Variants in ZNF782 observed in about 807,000 individuals in gnomAD.
ZNF782 encodes the protein zinc finger protein 782.
Under a neutral mutation model 13.0 loss-of-function variants are expected in ZNF782, and 12 were observed. The ratio of observed to expected loss-of-function variants is 0.92; its 90% confidence interval spans 0.59 to 1.50. The LOEUF (loss-of-function observed/expected upper bound fraction) is 1.50, where lower values mean the gene tolerates loss of function less well. Among genes scored for constraint, ZNF782 ranks in the 40% most tolerant of loss-of-function variants. ZNF782 has a pLI of 0.00. For missense variants in ZNF782, 770 were observed against 822.9 expected (o/e 0.94, Z 0.79); for synonymous variants, 284 against 283.0 (o/e 1.00, Z -0.04).
chr9:96,886,029 G>A, the ZNF782 span, among the ~76,000 whole-genome samples: 1,405 of 152,012 alleles, frequency 9.2e-3, 51 homozygotes, highest in East Asian at 0.1. Context: ...TGTATTTTTT[G>A]TAGGGACAGG....
chr9:96,827,491 G>C (rs1023546271), intron 4 of ZNF782, among the ~76,000 whole-genome samples: 1 of 152,000 alleles, frequency 6.6e-6, no homozygotes, highest in African/African-American at 2.4e-5. Flanking sequence ...CACCATACCC[G>C]GCTAATTTTT....
the ZNF782 span, among the ~76,000 whole-genome samples, chr9:96,905,906 A>T: frequency 6.6e-6 from 1 of 151,948 alleles, no homozygotes. Flanking sequence ...TTCTTAATAA[A>T]CTTGCTTTCA....
the ZNF782 span, chr9:96,889,014 A>C: frequency 6.6e-6 from 1 of 152,236 alleles, no homozygotes; most frequent in Non-Finnish European, 1.5e-5. Flanking sequence ...TGGTCTGGAA[A>C]GTCATCCAAC....
intron 5 of ZNF782, among the ~76,000 whole-genome samples, chr9:96,821,457 A>G (rs1442059504): frequency 1.3e-5 from 2 of 152,202 alleles, no homozygotes; most frequent in East Asian, 1.9e-4. Flanking sequence ...TCCCACAAAT[A>G]TAAGGAACAT....
intron 4 of ZNF782, among the ~76,000 whole-genome samples, chr9:96,828,058 T>C (rs1056161169): frequency 6.6e-6 from 1 of 152,164 alleles, no homozygotes; most frequent in South Asian, 2.1e-4. Context: ...ATATAAAATG[T>C]TGGAGATCTG....
At chr9:96,911,526 G>GTTTTTTT in the ZNF782 span, among the ~76,000 whole-genome samples, 6 of 83,596 alleles carry the variant, frequency 7.2e-5, no homozygotes, top group African/African-American at 2.4e-4. Flanking sequence ...GTTTTGTTTT[G>GTTTTTTT]TTTTTTTTTT....
chr9:96,819,482 T>G lies in ZNF782; in HGVS notation c.541A>C (p.Asn181His), dbSNP rs766961813. 5.0e-6 allele frequency: 8 copies of G among 1,613,868 alleles called. No individual in the cohort carries two copies. In the South Asian group the frequency reaches 7.7e-5, roughly 16 times the overall value. ...WLISIKDGRT[N>H]TQEKSFAYSK... ...TAAGCGAAAGATTTCTCTTGAGTGT[T>G]AGTTCTGCCATCCTTAATACTGATG... Residue 181 changes from asparagine to histidine, a missense_variant, in exon 6 of 6, where the codon AAC (asparagine) becomes CAC (histidine). Asn to His is a moderately conservative substitution (Grantham distance 68). Coordinates refer to ENST00000481138, the MANE Select transcript of ZNF782 (RefSeq NM_001001662.3).
the ZNF782 span, chr9:96,894,756 C>T: frequency 6.6e-6 from 1 of 152,232 alleles, no homozygotes; most frequent in Admixed American, 6.5e-5. Flanking sequence ...AGAGTCAGGG[C>T]TCACTCTATT....
intron 4 of ZNF782, 96 bp from the exon 5 acceptor site, chr9:96,827,277 G>C (rs1259350153): frequency 1.3e-6 from 1 of 792,176 alleles, no homozygotes; most frequent in Non-Finnish European, 2.0e-6. Context: ...GGCATATTCA[G>C]GGTGCTCACT....
intron 4 of ZNF782, among the ~76,000 whole-genome samples, chr9:96,835,641 C>T (rs1273682226): frequency 1.3e-5 from 2 of 152,208 alleles, no homozygotes; most frequent in East Asian, 1.9e-4. Context: ...ATAAGCCTTA[C>T]ATCCCCTGGC....
the ZNF782 span, among the ~76,000 whole-genome samples, chr9:96,927,653 T>C: frequency 6.6e-6 from 1 of 152,202 alleles, no homozygotes; most frequent in Non-Finnish European, 1.5e-5. Context: ...CCCAGTGAAA[T>C]GTGAATAGCA....
chr9:96,819,864 A>G, intron 5 of ZNF782, 86 bp from the exon 6 acceptor site: 1 of 1,043,762 alleles, frequency 9.6e-7, no homozygotes, highest in Non-Finnish European at 1.3e-6. Flanking sequence ...ATGCCCTATT[A>G]TGTATTTGAT....
chr9:96,892,525 G>C, the ZNF782 span: 1 of 152,192 alleles, frequency 6.6e-6, no homozygotes, highest in Non-Finnish European at 1.5e-5. Context: ...CTGTGTGATG[G>C]ACCGGCTGAG....
intron 4 of ZNF782, among the ~76,000 whole-genome samples, chr9:96,835,781 T>C (rs1850973286): frequency 6.6e-6 from 1 of 152,196 alleles, no homozygotes; most frequent in Non-Finnish European, 1.5e-5. Flanking sequence ...TGAAAAACCC[T>C]ATAGGCCCAG....
At chr9:96,821,112 G>A (rs12237908) in intron 5 of ZNF782, among the ~76,000 whole-genome samples, 21,544 of 152,020 alleles carry the variant, frequency 0.14, 3,453 homozygotes, top group African/African-American at 0.38. Context: ...ACTGCTACCC[G>A]CATTCCATGC....
chr9:96,875,495 T>C, exon 1 of ZNF782: 1 of 456,722 alleles, frequency 2.2e-6, no homozygotes, highest in East Asian at 7.0e-5. Context: ...TTTATGCAGC[T>C]CTTTCGGTCT....
chr9:96,856,667 C>G (rs191632493), upstream of ZNF782, among the ~76,000 whole-genome samples: 347 of 152,300 alleles, frequency 2.3e-3, 3 homozygotes, highest in African/African-American at 7.9e-3. Flanking sequence ...TTCTGGCCTT[C>G]CAAGAAGGTT....
chr9:96,893,349 C>T, the ZNF782 span: 1 of 152,126 alleles, frequency 6.6e-6, no homozygotes, highest in Admixed American at 6.5e-5. Flanking sequence ...AAATAGGAGG[C>T]TATCTGATCA....
At chr9:96,933,000 T>C in the ZNF782 span, among the ~76,000 whole-genome samples, 1 of 145,782 alleles carries the variant, frequency 6.9e-6, no homozygotes, top group African/African-American at 2.5e-5. Flanking sequence ...TTTTTTGAGA[T>C]GGAGTCTCAC....
Sources: gnomAD v4.1 joint callset for allele counts (sites outside exome capture counted in the v4.1 genomes callset) on GRCh38, gnomAD v4.1.1 for gene constraint, MANE v1.5 for transcripts, NCBI Gene and HGNC (gene_info 2026-07-23, HGNC 2026-07-21) for gene names.